Variants in ITFG1 observed in about 807,000 individuals in gnomAD.
ITFG1 encodes the protein integrin alpha FG-GAP repeat containing 1, also known as T-cell immunomodulatory protein.
A neutral mutation model predicts 81.8 loss-of-function variants in ITFG1; 34 were observed. That is an observed-to-expected ratio of 0.42 (90% CI 0.32 to 0.55). ITFG1 has a LOEUF of 0.55. ITFG1 is among the 20% of genes least tolerant of loss of function. The pLI, the probability that ITFG1 is intolerant of heterozygous loss-of-function variation, is 0.17. For missense variants in ITFG1, 672 were observed against 755.4 expected (o/e 0.89, Z 1.29); for synonymous variants, 285 against 270.6 (o/e 1.05, Z -0.52).
chr16:47,293,301 C>T (rs550172515), intron 10 of ITFG1, among the ~76,000 whole-genome samples: 9 of 150,684 alleles, frequency 6.0e-5, no homozygotes, highest in Non-Finnish European at 7.4e-5. Context: ...GTATGAATAC[C>T]GCTGCAATAA....
chr16:47,434,441 GA>G (rs920498016), intron 5 of ITFG1, among the ~76,000 whole-genome samples: 1 of 149,816 alleles, frequency 6.7e-6, no homozygotes. Context: ...CAAAAAACAC[GA>G]AAAAAAAGCT....
chr16:47,218,898 C>T lies in ITFG1; in HGVS notation c.1423G>A (p.Asp475Asn). 6.2e-7 allele frequency: 1 copy of T among 1,601,034 alleles called. No individual in the cohort carries two copies. The change falls in exon 14 of 18, where the codon GAT becomes AAT. Residue 475 changes from aspartate (D) to asparagine (N), a missense_variant. This residue lies in a region of ITFG1 where 560 missense variants were observed against 625.7 expected (regional missense o/e 0.90). Coordinates refer to ENST00000320640, the MANE Select transcript of ITFG1 (RefSeq NM_030790.5). Reference protein sequence around the residue: ...PGPYIMYTTVDANGYLKNGSA... With the variant: ...PGPYIMYTTVNANGYLKNGSA... ...CCATTTTTCAGATACCCATTTGCAT[C>T]TACAGTTGTATACATGATATAAGGT... is the stretch of plus-strand genomic sequence containing the variant.
intron 5 of ITFG1, among the ~76,000 whole-genome samples, chr16:47,445,896 C>T (rs1360697989): frequency 6.6e-6 from 1 of 152,094 alleles, no homozygotes; most frequent in African/African-American, 2.4e-5. Flanking sequence ...TGTGATGGTA[C>T]AAGAACGAAG....
intron 6 of ITFG1, among the ~76,000 whole-genome samples, chr16:47,412,196 C>A (rs1315628586): frequency 6.6e-6 from 1 of 152,182 alleles, no homozygotes; most frequent in Non-Finnish European, 1.5e-5. Flanking sequence ...TCTGGTAATT[C>A]AGTCAGAGTG....
intron 14 of ITFG1, among the ~76,000 whole-genome samples, chr16:47,170,736 CTT>C (rs35976837): frequency 1.7e-5 from 2 of 121,166 alleles, no homozygotes; most frequent in Admixed American, 9.3e-5. Context: ...TCTAGATTAT[CTT>C]TTTTTTTTTT....
chr16:47,392,758 G>A (rs1019236350), intron 6 of ITFG1, among the ~76,000 whole-genome samples: 1 of 152,162 alleles, frequency 6.6e-6, no homozygotes, highest in Non-Finnish European at 1.5e-5. Flanking sequence ...CTGTTGTAAG[G>A]GGCTTAATAA....
intron 14 of ITFG1, among the ~76,000 whole-genome samples, chr16:47,165,135 G>C (rs896085087): frequency 6.6e-6 from 1 of 152,058 alleles, no homozygotes; most frequent in African/African-American, 2.4e-5. Flanking sequence ...TTTCCCTATT[G>C]TAATTCACTT....
At chr16:47,223,862 A>G (rs898531484) in intron 13 of ITFG1, among the ~76,000 whole-genome samples, 128 of 152,310 alleles carry the variant, frequency 8.4e-4, no homozygotes, top group Non-Finnish European at 1.7e-3. Context: ...TGGCACATAT[A>G]CACCATGGAA....
intron 14 of ITFG1, among the ~76,000 whole-genome samples, chr16:47,172,889 TC>T (rs1471121884): frequency 2.0e-5 from 3 of 152,204 alleles, no homozygotes; most frequent in Admixed American, 6.5e-5. Context: ...TACAGTCTTG[TC>T]CTATGTCCTA....
rs115558850 is a variant in ITFG1 at position 47,301,135 on chromosome 16, T to C, written c.1070+10105A>G. On this transcript the variant is annotated intron_variant, in intron 10 of 17. Transcript: ENST00000320640. ...CTAGAGAGATTTACTAAAAGACAAA[T>C]GAGAATAAAACACACAGATCAGTGA... 1.6e-3 allele frequency among the ~76,000 whole-genome samples: 243 copies of C among 152,100 alleles called. 3 individuals are homozygous for C. The highest frequency in any genetic ancestry group is 5.6e-3 in the African/African-American group (233 of 41,500).
chr16:47,439,894 T>A (rs1325748369), intron 5 of ITFG1, among the ~76,000 whole-genome samples: 2 of 152,072 alleles, frequency 1.3e-5, no homozygotes, highest in Non-Finnish European at 2.9e-5. Context: ...GACTGGCAAA[T>A]TGGATAAAGA....
chr16:47,434,991 C>A (rs1040399214), intron 5 of ITFG1, among the ~76,000 whole-genome samples: 2 of 152,114 alleles, frequency 1.3e-5, no homozygotes, highest in Non-Finnish European at 2.9e-5. Flanking sequence ...CACATGGACA[C>A]ATAGGGTGCG....
At chr16:47,271,204 T>C (rs1166161363) in intron 10 of ITFG1, among the ~76,000 whole-genome samples, 1 of 152,108 alleles carries the variant, frequency 6.6e-6, no homozygotes, top group African/African-American at 2.4e-5. Context: ...GAGAAAATTT[T>C]TGAAATCTCA....
chr16:47,324,982 C>T (rs1378500891), intron 8 of ITFG1, among the ~76,000 whole-genome samples: 1 of 152,164 alleles, frequency 6.6e-6, no homozygotes, highest in African/African-American at 2.4e-5. Context: ...ACCAAGCGGA[C>T]CTAATAGACA....
intron 14 of ITFG1, among the ~76,000 whole-genome samples, chr16:47,181,816 C>G (rs952909725): frequency 1.3e-5 from 2 of 152,094 alleles, no homozygotes; most frequent in Admixed American, 6.5e-5. Flanking sequence ...ACATGGGAGA[C>G]TTTTCATTTT....
At chr16:47,290,063 T>A (rs955508673) in intron 10 of ITFG1, among the ~76,000 whole-genome samples, 2 of 152,220 alleles carry the variant, frequency 1.3e-5, no homozygotes, top group African/African-American at 4.8e-5. Flanking sequence ...ACCTTCTTCA[T>A]CTCTTCATTG....
intron 13 of ITFG1, among the ~76,000 whole-genome samples, chr16:47,232,168 C>A (rs562856935): frequency 6.6e-6 from 1 of 152,296 alleles, no homozygotes; most frequent in South Asian, 2.1e-4. Flanking sequence ...AGGCTTCCAA[C>A]CTCTAGAACT....
chr16:47,409,405 T>TATATATA (rs60029204), intron 6 of ITFG1, among the ~76,000 whole-genome samples: 2 of 8,020 alleles, frequency 2.5e-4, no homozygotes, highest in African/African-American at 8.7e-4. Flanking sequence ...TATATATATA[T>TATATATA]TTTTTTTTTT....
At chr16:47,165,154 T>C (rs1964873685) in intron 14 of ITFG1, among the ~76,000 whole-genome samples, 2 of 152,222 alleles carry the variant, frequency 1.3e-5, no homozygotes, top group African/African-American at 4.8e-5. Context: ...TTTTATACAA[T>C]ATATGTATTT....
Sources: gnomAD v4.1 joint callset for allele counts (sites outside exome capture counted in the v4.1 genomes callset) on GRCh38, gnomAD v4.1.1 for gene constraint, gnomAD v4.1.1 regional missense constraint, MANE v1.5 for transcripts, NCBI Gene and HGNC (gene_info 2026-07-23, HGNC 2026-07-21) for gene names.